RFX8: variants seen among roughly 807,000 people sequenced by gnomAD.
The protein encoded by RFX8 is DNA-binding protein RFX8.
RFX8 carries 46 observed loss-of-function variants against 54.6 expected under a neutral mutation model. That is an observed-to-expected ratio of 0.84 (90% CI 0.67 to 1.08). The LOEUF (loss-of-function observed/expected upper bound fraction) is 1.08, where lower values mean the gene tolerates loss of function less well. Ranked by LOEUF, RFX8 falls within the 50% of genes least tolerant of loss-of-function variation. The pLI is 0.00. For missense variants in RFX8, 536 were observed against 562.3 expected (o/e 0.95, Z 0.47); for synonymous variants, 192 against 209.5 (o/e 0.92, Z 0.72).
chr2:101,415,621 GCATT>G (rs3045579), intron 6 of RFX8, among the ~76,000 whole-genome samples: 118,838 of 144,332 alleles, frequency 0.82, 47,141 homozygotes, highest in South Asian at 0.9. Context: ...CCTCTTGAAC[GCATT>G]CATTCATTTG....
At chr2:101,441,714 T>C (rs192012361) in intron 2 of RFX8, among the ~76,000 whole-genome samples, 47 of 152,350 alleles carry the variant, frequency 3.1e-4, no homozygotes. Context: ...ACATAGCCAC[T>C]CCTGCTATCT....
intron 1 of RFX8, among the ~76,000 whole-genome samples, chr2:101,469,513 T>A (rs1215560532): frequency 6.6e-6 from 1 of 152,132 alleles, no homozygotes; most frequent in African/African-American, 2.4e-5. Flanking sequence ...TTGGAAGTTA[T>A]CACAGAAAAA....
rs543646391 is a variant in RFX8 at position 101,468,238 on chromosome 2, T to C, written c.-52-1338A>G. ...CAACAGAAATGTATTCTCACAGTTC[T>C]GGAAGCTGGAAGCTTAAAAATCCAA... On this transcript the variant is annotated intron_variant, in intron 1 of 11. Transcript: ENST00000428343. 2.0e-5 allele frequency among the ~76,000 whole-genome samples: 3 copies of C among 152,328 alleles called. No homozygotes were observed. The East Asian group carries it at 5.8e-4, about 29-fold the overall frequency.
intron 2 of RFX8, among the ~76,000 whole-genome samples, chr2:101,459,694 A>G (rs1426184127): frequency 6.6e-6 from 1 of 152,158 alleles, no homozygotes; most frequent in Non-Finnish European, 1.5e-5. Context: ...GGGGTCAGGG[A>G]TCCACTTAAG....
At chr2:101,443,308 AGG>A (rs1688199954) in intron 2 of RFX8, among the ~76,000 whole-genome samples, 1 of 152,120 alleles carries the variant, frequency 6.6e-6, no homozygotes, top group Non-Finnish European at 1.5e-5. Context: ...CTTAGTGTGG[AGG>A]GGCATGGAGA....
chr2:101,409,868 G>A (rs765862459), intron 9 of RFX8, among the ~76,000 whole-genome samples: 2 of 152,028 alleles, frequency 1.3e-5, no homozygotes, highest in Non-Finnish European at 2.9e-5. Context: ...GTGAAGGGCC[G>A]TGGCCTCTCT....
intron 9 of RFX8, 31 bp downstream of exon 9, chr2:101,410,588 C>CTTTT: frequency 2.0e-6 from 2 of 996,140 alleles, no homozygotes; most frequent in Non-Finnish European, 2.9e-6. Context: ...GGTCAACACA[C>CTTTT]TTTTTTTTTT....
At chr2:101,398,569 G>GA (rs1366164733) in intron 11 of RFX8, among the ~76,000 whole-genome samples, 1 of 152,144 alleles carries the variant, frequency 6.6e-6, no homozygotes, top group Non-Finnish European at 1.5e-5. Context: ...AAAAACCTAT[G>GA]AAAACAGCAA....
At chr2:101,467,432 C>T (rs978117708) in intron 1 of RFX8, among the ~76,000 whole-genome samples, 5 of 152,104 alleles carry the variant, frequency 3.3e-5, no homozygotes, top group Non-Finnish European at 7.3e-5. Context: ...GTTCTTAAAC[C>T]CCTGTGGTTT....
intron 2 of RFX8, among the ~76,000 whole-genome samples, chr2:101,456,699 G>C (rs1245686882): frequency 6.6e-6 from 1 of 152,120 alleles, no homozygotes; most frequent in African/African-American, 2.4e-5. Flanking sequence ...TCTCTGCCAG[G>C]CTTTGGTATC....
At chr2:101,400,822 C>T (rs1573336930) in intron 11 of RFX8, among the ~76,000 whole-genome samples, 1 of 152,184 alleles carries the variant, frequency 6.6e-6, no homozygotes, top group Non-Finnish European at 1.5e-5. Flanking sequence ...CCAGAGTACA[C>T]TCAGGCGCTT....
At chr2:101,411,666 T>C (rs1341508938) in intron 8 of RFX8, among the ~76,000 whole-genome samples, 1 of 152,082 alleles carries the variant, frequency 6.6e-6, no homozygotes, top group Non-Finnish European at 1.5e-5. Flanking sequence ...TTCTGAAGCC[T>C]GCCAGATTAG....
rs150616148 is a variant in RFX8, at chr2:101,473,995, G to A, written c.-53+641C>T. ...AGATGGGAAGCCCGGCCCCATCGCC[G>A]ATTCGGGCCCGGGGCTTTTACGCGT... is the stretch of plus-strand genomic sequence containing the variant. On this transcript the variant is annotated intron_variant, in intron 1 of 11. Coordinates refer to ENST00000428343, the MANE Select transcript of RFX8 (RefSeq NM_001145664.2). Among the ~76,000 whole-genome samples, 730 of 152,306 alleles carry A rather than the reference G, an allele frequency of 4.8e-3. 2 individuals are homozygous for A. Among genetic ancestry groups the A allele is most frequent in the Non-Finnish European group, 9.0e-3 (613 of 68,024 alleles).
At chr2:101,439,987 A>G (rs1688004933) in intron 2 of RFX8, among the ~76,000 whole-genome samples, 1 of 152,186 alleles carries the variant, frequency 6.6e-6, no homozygotes. Flanking sequence ...CCTTAATATA[A>G]GGGAGAGTGT....
At position 101,453,018 on chromosome 2, in the gene RFX8, T is replaced by C. The variant is rs1480166758; in HGVS notation, c.72+13759A>G. 6.8e-4 allele frequency among the ~76,000 whole-genome samples: 88 copies of C among 130,094 alleles called. 29 individuals are homozygous for C. The highest frequency in any genetic ancestry group is 1.7e-5 in the Non-Finnish European group (1 of 59,928). 85.3% of individuals were successfully genotyped at this position (130,094 alleles called of 152,430 possible). On this transcript the variant is annotated intron_variant, in intron 2 of 11. Transcript: ENST00000428343. ...TACTCAGGAGGCTGAGGCAGGAAGC[T>C]ACTAGGGAGGCTGAACCTGGGAGGT... is the stretch of plus-strand genomic sequence containing the variant.
chr2:101,443,015 G>A (rs551302368), intron 2 of RFX8, among the ~76,000 whole-genome samples: 1 of 152,184 alleles, frequency 6.6e-6, no homozygotes, highest in Admixed American at 6.5e-5. Flanking sequence ...AGGAAGGAAG[G>A]AGAGTATTTT....
intron 2 of RFX8, among the ~76,000 whole-genome samples, chr2:101,427,424 G>A (rs901323606): frequency 3.9e-5 from 6 of 152,260 alleles, no homozygotes; most frequent in African/African-American, 1.4e-4. Context: ...CTTTGAAGAT[G>A]GGGTGGAGGC....
At chr2:101,446,323 G>A (rs1357116856) in intron 2 of RFX8, among the ~76,000 whole-genome samples, 1 of 152,028 alleles carries the variant, frequency 6.6e-6, no homozygotes, top group African/African-American at 2.4e-5. Context: ...CTACAGGCAC[G>A]TGCCACCACA....
At chr2:101,441,517 C>T (rs952926630) in intron 2 of RFX8, among the ~76,000 whole-genome samples, 1 of 152,168 alleles carries the variant, frequency 6.6e-6, no homozygotes, top group African/African-American at 2.4e-5. Flanking sequence ...AGCAAGAAGG[C>T]CCTCACTGGA....
Sources: gnomAD v4.1 joint callset for allele counts (sites outside exome capture counted in the v4.1 genomes callset) on GRCh38, gnomAD v4.1.1 for gene constraint, MANE v1.5 for transcripts, NCBI Gene and HGNC (gene_info 2026-07-23, HGNC 2026-07-21) for gene names.